SUSD1: variants seen among roughly 807,000 people sequenced by gnomAD.
SUSD1 encodes sushi domain containing 1.
Under a neutral mutation model 86.9 loss-of-function variants are expected in SUSD1, and 65 were observed. The observed-to-expected ratio is 0.75, with a 90% CI of 0.61 to 0.92. SUSD1 has a LOEUF of 0.92. SUSD1 is among the 40% of genes least tolerant of loss of function. The pLI, the probability that SUSD1 is intolerant of heterozygous loss-of-function variation, is 0.00. For synonymous variants in SUSD1, 346 were observed against 350.0 expected, an observed-to-expected ratio of 0.99 and a Z score of 0.13; for missense variants, 850 against 929.7, an observed-to-expected ratio of 0.91 and a Z score of 1.11.
At chr9:112,109,721 A>C (rs764788414) in intron 8 of SUSD1, among the ~76,000 whole-genome samples, 17 of 152,196 alleles carry the variant, frequency 1.1e-4, no homozygotes, top group Non-Finnish European at 1.9e-4. Flanking sequence ...TGTCATCCTC[A>C]CTGAACAGTG....
At chr9:112,141,320 C>T (rs1832552562) in intron 5 of SUSD1, among the ~76,000 whole-genome samples, 1 of 152,176 alleles carries the variant, frequency 6.6e-6, no homozygotes, top group African/African-American at 2.4e-5. Flanking sequence ...GGTCCATCAT[C>T]ATATATAAAG....
chr9:112,093,325 G>C (rs1420282747), intron 10 of SUSD1, among the ~76,000 whole-genome samples: 1 of 152,196 alleles, frequency 6.6e-6, no homozygotes, highest in Non-Finnish European at 1.5e-5. Context: ...ACAAAAGGCA[G>C]ACTTGCTCTC....
chr9:112,133,475 C>A (rs928637653), intron 5 of SUSD1, among the ~76,000 whole-genome samples: 2 of 152,168 alleles, frequency 1.3e-5, no homozygotes, highest in Non-Finnish European at 2.9e-5. Flanking sequence ...GGAAAGGACT[C>A]CCTATACATA....
intron 5 of SUSD1, among the ~76,000 whole-genome samples, chr9:112,127,758 A>T (rs1404218723): frequency 4.6e-5 from 7 of 152,334 alleles, no homozygotes; most frequent in Non-Finnish European, 8.8e-5. Context: ...GTTATATAGA[A>T]ATAATAATAA....
At chr9:112,150,053 C>T (rs1018146385) in intron 2 of SUSD1, among the ~76,000 whole-genome samples, 2 of 152,192 alleles carry the variant, frequency 1.3e-5, no homozygotes, top group Admixed American at 6.5e-5. Flanking sequence ...GCAAAATGAA[C>T]GTAAATCTCC....
chr9:112,094,151 G>A (rs1382096151), intron 10 of SUSD1, among the ~76,000 whole-genome samples: 3 of 152,174 alleles, frequency 2.0e-5, no homozygotes, highest in African/African-American at 7.2e-5. Context: ...CCAGGAACCA[G>A]TGTTTTCATA....
At chr9:112,094,343 A>G (rs1426930277) in intron 10 of SUSD1, among the ~76,000 whole-genome samples, 3 of 152,214 alleles carry the variant, frequency 2.0e-5, no homozygotes, top group East Asian at 1.9e-4. Context: ...AGAGAACTGT[A>G]GAAAGACTGG....
Position 112,058,633 on chromosome 9 carries a change from T to A in SUSD1, c.1904A>T (p.Asp635Val), listed in dbSNP as rs781495709. 2 of 1,613,938 alleles carry A rather than the reference T, an allele frequency of 1.2e-6. No individual in the cohort carries two copies. Among genetic ancestry groups the A allele is most frequent in the Non-Finnish European group, 1.7e-6 (2 of 1,180,020 alleles). The change falls in exon 14 of 17, where the codon GAT becomes GTT. Residue 635 changes from aspartate (D) to valine (V), a missense_variant. Physicochemically the swap from Asp to Val is radical, Grantham distance 152. Transcript: ENST00000374270. ...PLALQSTFSC[D>V]SEGASSFFSN... Reference sequence around the variant, plus strand: ...AAAGAAGGAGGAAGCGCCTTCAGAATCACAAGAAAATGTGCTTTGGAGGGC... The same window carrying A: ...AAAGAAGGAGGAAGCGCCTTCAGAAACACAAGAAAATGTGCTTTGGAGGGC...
rs573175261 is a variant in SUSD1 at position 112,064,358 on chromosome 9, G to A, written c.1754-1325C>T. Among the ~76,000 whole-genome samples, 31 of 152,302 alleles carry A rather than the reference G, an allele frequency of 2.0e-4. 1 individual carries two copies. The South Asian group carries it at 3.9e-3, about 19-fold the overall frequency. ...CCTATTGTGAACTGTGCATACAAGG[G>A]ATCTAGATTGTGCACTCCTTATGAG... On this transcript the variant is annotated intron_variant, in intron 12 of 16. Coordinates refer to ENST00000374270, the MANE Select transcript of SUSD1 (RefSeq NM_022486.5).
chr9:112,091,914 G>A (rs1334661419), intron 10 of SUSD1, among the ~76,000 whole-genome samples: 1 of 152,140 alleles, frequency 6.6e-6, no homozygotes, highest in African/African-American at 2.4e-5. Flanking sequence ...ATATTACAAG[G>A]AGAGGAATTT....
chr9:112,140,311 G>A (rs1397049178), intron 5 of SUSD1, among the ~76,000 whole-genome samples: 1 of 82,336 alleles, frequency 1.2e-5, no homozygotes, highest in East Asian at 2.1e-4. Flanking sequence ...GCCGTGAGCC[G>A]AGATTGCGCC....
In SUSD1 at chr9:112,124,624, G is replaced by C. The variant is rs185967612; in HGVS notation, c.707-188C>G. Among the ~76,000 whole-genome samples, 8 of 152,240 alleles carry C rather than the reference G, an allele frequency of 5.3e-5. No homozygotes were observed. The East Asian group carries it at 1.5e-3, about 29-fold the overall frequency. On this transcript the variant is annotated intron_variant, in intron 5 of 16. Coordinates refer to ENST00000374270, the MANE Select transcript of SUSD1 (RefSeq NM_022486.5). The stretch of plus-strand genomic sequence containing the variant: ...TAAAATTTCCAAACATGCACACATA[G>C]AGAATAGTCAAACTATGCAATTATT...
In SUSD1 at chr9:112,111,676, G is replaced by A. The variant is rs754714952; in HGVS notation, c.1149C>T (p.Ala383=). 9.9e-6 allele frequency: 16 copies of A among 1,613,808 alleles called. No homozygotes were observed. Among genetic ancestry groups the A allele is most frequent in the East Asian group, 2.2e-5 (1 of 44,876 alleles). Residue 383 remains alanine, a synonymous_variant, in exon 8 of 17, where the codon GCC becomes GCT. Coordinates refer to ENST00000374270, the MANE Select transcript of SUSD1 (RefSeq NM_022486.5). Reference sequence around the variant, plus strand: ...TACCAGCTGTCTGGAAACCGATGACGGCTGGCATCGAGCGCCTGGGAGGTG... The same window carrying A: ...TACCAGCTGTCTGGAAACCGATGACAGCTGGCATCGAGCGCCTGGGAGGTG... The part of the protein sequence containing the change: ...STAPPRRSMP[A]VIGFQTAEVD...
intron 6 of SUSD1, among the ~76,000 whole-genome samples, chr9:112,116,999 G>A (rs763652537): frequency 6.6e-6 from 1 of 152,180 alleles, no homozygotes; most frequent in Non-Finnish European, 1.5e-5. Context: ...AATTAGCCAG[G>A]TGTGGTGGTG....
In SUSD1 at chr9:112,172,564, C is replaced by T. The variant is rs1010978347; in HGVS notation, c.103+2569G>A. On this transcript the variant is annotated intron_variant, in intron 1 of 16. Transcript: ENST00000374270. ...TTTCATCTCTCCAAATCCATAACAG[C>T]ACCTCAAATTCAGGATGTCCAAAAC... 5.3e-5 allele frequency among the ~76,000 whole-genome samples: 8 copies of T among 152,198 alleles called. No homozygotes were observed. In the East Asian group the frequency reaches 1.5e-3, roughly 29 times the overall value.
intron 5 of SUSD1, among the ~76,000 whole-genome samples, chr9:112,135,027 T>C (rs781956): frequency 3.3e-5 from 5 of 151,544 alleles, no homozygotes; most frequent in African/African-American, 9.7e-5. Context: ...GTTTGTGCCA[T>C]TGCACTCCAG....
At chr9:112,141,758 A>ATT (rs1554771388) in intron 5 of SUSD1, among the ~76,000 whole-genome samples, 3 of 145,924 alleles carry the variant, frequency 2.1e-5, no homozygotes, top group Admixed American at 7.0e-5. Context: ...TGTAATATAT[A>ATT]ATATATAATA....
chr9:112,097,694 C>T (rs1489311350), intron 10 of SUSD1, among the ~76,000 whole-genome samples: 6 of 152,004 alleles, frequency 3.9e-5, no homozygotes, highest in Admixed American at 2.6e-4. Context: ...CCACCGCACC[C>T]GGCCCAGAGT....
intron 10 of SUSD1, among the ~76,000 whole-genome samples, chr9:112,086,026 G>A (rs915122462): frequency 5.9e-5 from 9 of 152,200 alleles, no homozygotes; most frequent in African/African-American, 1.7e-4. Flanking sequence ...TGTTAAGGCC[G>A]GGTACAGTAG....
Sources: gnomAD v4.1 joint callset for allele counts (sites outside exome capture counted in the v4.1 genomes callset) on GRCh38, gnomAD v4.1.1 for gene constraint, MANE v1.5 for transcripts, NCBI Gene and HGNC (gene_info 2026-07-23, HGNC 2026-07-21) for gene names.